Variants in FRMD4B observed in about 807,000 individuals in gnomAD.
FRMD4B encodes the protein FERM domain-containing protein 4B.
Under a neutral mutation model 141.5 loss-of-function variants are expected in FRMD4B, and 74 were observed. That is an observed-to-expected ratio of 0.52 (90% confidence interval 0.43 to 0.63). FRMD4B has a LOEUF of 0.63. FRMD4B is among the 30% of genes least tolerant of loss of function. FRMD4B has a pLI of 0.00. For synonymous variants in FRMD4B, 506 were observed against 467.9 expected (o/e 1.08, Z -1.05); for missense variants, 1,366 against 1,253.4 (o/e 1.09, Z -1.36).
intron 21 of FRMD4B, among the ~76,000 whole-genome samples, chr3:69,177,821 T>C (rs572453149): frequency 6.6e-6 from 1 of 152,292 alleles, no homozygotes; most frequent in East Asian, 1.9e-4. Flanking sequence ...GTTCCATAAG[T>C]TGACTTATTG....
intron 1 of FRMD4B, among the ~76,000 whole-genome samples, chr3:69,510,721 T>G (rs1364339858): frequency 6.6e-6 from 1 of 152,072 alleles, no homozygotes; most frequent in East Asian, 1.9e-4. Context: ...AGCCCTAAAC[T>G]CCCATACACT....
At chr3:69,340,881 G>A (rs1702718049) in intron 1 of FRMD4B, among the ~76,000 whole-genome samples, 1 of 151,970 alleles carries the variant, frequency 6.6e-6, no homozygotes, top group Non-Finnish European at 1.5e-5. Context: ...TCTATGCTCA[G>A]CTTATAGCAT....
intron 11 of FRMD4B, 131 bp from the exon 12 acceptor site, chr3:69,198,905 T>C: frequency 1.6e-6 from 1 of 628,018 alleles, no homozygotes; most frequent in Non-Finnish European, 2.9e-6. Context: ...AATATGTGAT[T>C]CAGCCTTTTT....
intron 6 of FRMD4B, 74 bp from the exon 7 acceptor site, chr3:69,249,322 C>A: frequency 1.0e-6 from 1 of 975,090 alleles, no homozygotes; most frequent in Non-Finnish European, 1.6e-6. Flanking sequence ...ATCTTGATTA[C>A]TTTCCCCTCT....
chr3:69,458,837 T>C (rs1407714959), intron 1 of FRMD4B, among the ~76,000 whole-genome samples: 1 of 132,048 alleles, frequency 7.6e-6, no homozygotes, highest in Non-Finnish European at 1.6e-5. Flanking sequence ...ACCTTGAAGC[T>C]GATGGGCTGC....
chr3:69,351,877 A>G (rs1010548749), intron 1 of FRMD4B, among the ~76,000 whole-genome samples: 9 of 152,208 alleles, frequency 5.9e-5, no homozygotes, highest in African/African-American at 1.9e-4. Context: ...TAAATGTTCC[A>G]TGGCATAAAT....
intron 1 of FRMD4B, among the ~76,000 whole-genome samples, chr3:69,538,920 T>C (rs1330784594): frequency 6.6e-6 from 1 of 152,190 alleles, no homozygotes; most frequent in Non-Finnish European, 1.5e-5. Flanking sequence ...AAGGGAGAGA[T>C]ATGTAAGTAA....
rs764609737 is a variant in FRMD4B at position 69,179,320 on chromosome 3, G to A, written c.2851+1579C>T. Among the ~76,000 whole-genome samples the A allele has an allele frequency of 2.6e-5, 4 of 152,232 alleles. No individual in the cohort carries two copies. The East Asian group carries it at 5.8e-4, about 22-fold the overall frequency. The stretch of plus-strand genomic sequence containing the variant: ...CCAGGCACCACCCCAGCCCTGTGCC[G>A]TAGTGACCATCCACATGCATCTCAG... On this transcript the variant is annotated intron_variant, in intron 21 of 22. Transcript: ENST00000398540.
intron 1 of FRMD4B, among the ~76,000 whole-genome samples, chr3:69,481,202 G>T (rs142497197): frequency 6.6e-6 from 1 of 151,918 alleles, no homozygotes; most frequent in Admixed American, 6.6e-5. Context: ...GCTTGCGCAC[G>T]GTGTGCTGCA....
intron 2 of FRMD4B, among the ~76,000 whole-genome samples, chr3:69,312,528 G>T (rs114986019): frequency 6.6e-6 from 1 of 152,158 alleles, no homozygotes; most frequent in Non-Finnish European, 1.5e-5. Context: ...TGGCCCGTCC[G>T]CAGGGACTTT....
chr3:69,535,650 C>G (rs1032511683), intron 1 of FRMD4B: 65 of 213,458 alleles, frequency 3.0e-4, no homozygotes, highest in African/African-American at 1.4e-3. Flanking sequence ...TCCGCCCCTG[C>G]CTCCGGCCCT....
At chr3:69,410,261 G>A (rs979350742) in intron 2 of FRMD4B, among the ~76,000 whole-genome samples, 1 of 152,140 alleles carries the variant, frequency 6.6e-6, no homozygotes, top group South Asian at 2.1e-4. Context: ...AAGCAGGTCC[G>A]ATATCAGCTC....
intron 1 of FRMD4B, among the ~76,000 whole-genome samples, chr3:69,527,382 A>C (rs1462335765): frequency 1.3e-5 from 2 of 152,140 alleles, no homozygotes; most frequent in African/African-American, 4.8e-5. Context: ...CTTCTTGGTG[A>C]GTGAGTGGAG....
intron 21 of FRMD4B, among the ~76,000 whole-genome samples, chr3:69,178,932 A>G (rs542436546): frequency 6.6e-6 from 1 of 151,998 alleles, no homozygotes; most frequent in South Asian, 2.1e-4. Context: ...GGTAGTTGTC[A>G]TTACTAAAAC....
At chr3:69,241,908 C>A (rs1311173504) in intron 7 of FRMD4B, among the ~76,000 whole-genome samples, 6 of 151,590 alleles carry the variant, frequency 4.0e-5, no homozygotes, top group African/African-American at 1.5e-4. Flanking sequence ...AAAAAACCCC[C>A]AAAAAACAAA....
chr3:69,221,687 T>C (rs141212751), intron 9 of FRMD4B, among the ~76,000 whole-genome samples, 171 bp downstream of exon 9: 4 of 152,292 alleles, frequency 2.6e-5, no homozygotes, highest in African/African-American at 4.8e-5. Flanking sequence ...GGTATCTGAG[T>C]TGGTGACACC....
intron 11 of FRMD4B, chr3:69,200,712 G>A: frequency 7.8e-7 from 1 of 1,277,854 alleles, no homozygotes; most frequent in Non-Finnish European, 1.0e-6. Context: ...GGGCAGTTGG[G>A]ATTTGCCTGA....
intron 1 of FRMD4B, among the ~76,000 whole-genome samples, chr3:69,340,500 G>A (rs1216930265): frequency 6.6e-6 from 1 of 152,294 alleles, no homozygotes; most frequent in South Asian, 2.1e-4. Flanking sequence ...TGTTCTAAAA[G>A]TCATGTTTTC....
chr3:69,454,830 T>A (rs1469961034), intron 1 of FRMD4B, among the ~76,000 whole-genome samples: 1 of 152,212 alleles, frequency 6.6e-6, no homozygotes, highest in East Asian at 1.9e-4. Context: ...CATGCAGGAC[T>A]GGCGGGCACC....
Sources: gnomAD v4.1 joint callset for allele counts (sites outside exome capture counted in the v4.1 genomes callset) on GRCh38, gnomAD v4.1.1 for gene constraint, MANE v1.5 for transcripts, NCBI Gene and HGNC (gene_info 2026-07-23, HGNC 2026-07-21) for gene names.